The following CA5A variants were observed in gnomAD, a reference collection of about 807,000 sequenced individuals.
CA5A encodes carbonic anhydrase 5A, also known as carbonic anhydrase 5A, mitochondrial.
In CA5A, 28 loss-of-function variants were observed where a neutral mutation model predicts 37.1. That is an observed-to-expected ratio of 0.75 (90% CI 0.56 to 1.03). The LOEUF is 1.03. Ranked by LOEUF, CA5A falls within the 50% of genes least tolerant of loss-of-function variation. The pLI is 0.00. For missense variants in CA5A, 444 were observed against 399.9 expected (o/e 1.11, Z -0.94); for synonymous variants, 171 against 158.4 (o/e 1.08, Z -0.60).
At position 87,911,575 on chromosome 16, in the gene CA5A, G is replaced by A. The variant is rs900212219; in HGVS notation, c.341-6671C>T. ...ACCGGCCTGCTTCCGGTGCCACTCT[G>A]GGAGGTAGTGCACGTTCCCAAGCTG... On this transcript the variant is annotated intron_variant, in intron 2 of 6. Coordinates refer to ENST00000649794, the MANE Select transcript of CA5A (RefSeq NM_001739.2). This position sits in a 1 kb window ranked among gnomAD's most constrained non-coding sequence, Gnocchi z 4.6. Among the ~76,000 whole-genome samples the A allele has an allele frequency of 7.9e-5, 12 of 151,928 alleles. No homozygotes were observed. Among genetic ancestry groups the A allele is most frequent in the Admixed American group, 6.6e-4 (10 of 15,228 alleles).
chr16:87,926,457 G>T (rs1187485161), intron 2 of CA5A, among the ~76,000 whole-genome samples: 1 of 152,178 alleles, frequency 6.6e-6, no homozygotes, highest in African/African-American at 2.4e-5. Flanking sequence ...CCTCCCACCC[G>T]CTGCAAGGCG....
At chr16:87,921,878 A>T (rs5818652) in intron 2 of CA5A, among the ~76,000 whole-genome samples, 136,772 of 149,458 alleles carry the variant, frequency 0.92, 63,243 homozygotes, top group Non-Finnish European at 1. Flanking sequence ...TATTATTATT[A>T]TTTTTGAGAG....
chr16:87,914,617 G>T (rs2056104598), intron 2 of CA5A, among the ~76,000 whole-genome samples: 1 of 152,002 alleles, frequency 6.6e-6, no homozygotes, highest in South Asian at 2.1e-4. Flanking sequence ...AGCAGGGAGG[G>T]AAGGGGCAGT....
At chr16:87,895,614 G>T (rs2143920530) in intron 5 of CA5A, among the ~76,000 whole-genome samples, 1 of 152,290 alleles carries the variant, frequency 6.6e-6, no homozygotes, top group Admixed American at 6.5e-5. Context: ...CTATGGTTTT[G>T]GGTATATTCA....
chr16:87,924,888 G>A (rs891465511), intron 2 of CA5A, among the ~76,000 whole-genome samples: 2 of 152,186 alleles, frequency 1.3e-5, no homozygotes, highest in Admixed American at 6.5e-5. Context: ...GCTGAGTGCC[G>A]GCCTGGGGTG....
chr16:87,918,583 G>C (rs1156429609), intron 2 of CA5A, among the ~76,000 whole-genome samples: 2 of 152,218 alleles, frequency 1.3e-5, no homozygotes, highest in African/African-American at 4.8e-5. Flanking sequence ...CTGTCCGTTT[G>C]TTTCGCTTTG....
chr16:87,893,418 C>A, intron 5 of CA5A: 1 of 496,250 alleles, frequency 2.0e-6, no homozygotes, highest in South Asian at 1.5e-5. Flanking sequence ...TGAGCCACCA[C>A]GCCCGGCTTG....
rs565557401 is a variant in CA5A at position 87,899,919 on chromosome 16, C to CAAAAAAAAAAA, written c.618+1982_618+1992dup. On this transcript the variant is annotated intron_variant, in intron 5 of 6. Transcript: ENST00000649794. ...TGGGCAACAGAGCGAGATTTTATCT[C>CAAAAAAAAAAA]AAAAAAAAAAAAAAAAAAAAAAAAA... Among the ~76,000 whole-genome samples, 18 of 46,532 alleles carry CAAAAAAAAAAA rather than the reference C, an allele frequency of 3.9e-4. 1 individual carries two copies. The highest frequency in any genetic ancestry group is 1.4e-3 in the African/African-American group (17 of 12,274). The allele number at this position is 46,532 out of a possible 152,430, so 30.5% of individuals were successfully genotyped here. A position where few individuals can be genotyped will look rare whatever the true frequency, so the allele number is the denominator to read the frequency against.
At chr16:87,908,053 G>A (rs1379063187) in intron 2 of CA5A, among the ~76,000 whole-genome samples, 1 of 152,184 alleles carries the variant, frequency 6.6e-6, no homozygotes, top group African/African-American at 2.4e-5. Flanking sequence ...AATGAATACA[G>A]GAACGAATGG....
intron 5 of CA5A, among the ~76,000 whole-genome samples, chr16:87,898,200 T>A (rs141066011): frequency 6.6e-6 from 1 of 152,212 alleles, no homozygotes; most frequent in Non-Finnish European, 1.5e-5. Flanking sequence ...TACGTGACTC[T>A]GGTCTTTCCT....
intron 4 of CA5A, chr16:87,882,808 G>C (rs1004162145): frequency 6.6e-6 from 1 of 152,460 alleles, no homozygotes; most frequent in Non-Finnish European, 1.5e-5. Context: ...TCCCCGCTTG[G>C]TGCTTTCCCG....
At chr16:87,927,033 A>T (rs2056323401) in intron 1 of CA5A, 88 bp from the exon 2 acceptor site, 6 of 916,756 alleles carry the variant, frequency 6.5e-6, no homozygotes, top group Admixed American at 2.2e-5. Context: ...GCCGCACGAG[A>T]CCCCTCACGT....
intron 3 of CA5A, among the ~76,000 whole-genome samples, chr16:87,904,386 A>AACAG (rs1203084143): frequency 6.6e-6 from 1 of 152,096 alleles, no homozygotes; most frequent in Non-Finnish European, 1.5e-5. Context: ...CAAACAAACA[A>AACAG]AAGAAGATGA....
intron 1 of CA5A, among the ~76,000 whole-genome samples, chr16:87,934,982 C>T (rs2056452090): frequency 6.6e-6 from 1 of 152,190 alleles, no homozygotes; most frequent in African/African-American, 2.4e-5. Flanking sequence ...CACTCAGAGT[C>T]TGGGGTGGGC....
At chr16:87,894,316 A>G (rs1391269869) in intron 5 of CA5A, among the ~76,000 whole-genome samples, 3 of 151,942 alleles carry the variant, frequency 2.0e-5, no homozygotes, top group Admixed American at 1.3e-4. Context: ...GTCCAAAGTG[A>G]CAGAGTCCCT....
chr16:87,921,860 G>A (rs1243634973), intron 2 of CA5A, among the ~76,000 whole-genome samples: 3 of 109,592 alleles, frequency 2.7e-5, no homozygotes, highest in African/African-American at 4.2e-5. Context: ...GTGTGTTATT[G>A]TTATTATTAT....
intron 1 of CA5A, among the ~76,000 whole-genome samples, 158 bp downstream of exon 1, chr16:87,936,151 C>T (rs1433932505): frequency 6.8e-6 from 1 of 146,808 alleles, no homozygotes; most frequent in South Asian, 2.2e-4. Context: ...CAGCCTGGGC[C>T]ACAGAGCGAG....
Position 87,888,237 on chromosome 16 carries a change from A to G in CA5A, c.810T>C (p.Leu270=). The change falls in exon 7 of 7, where the codon CTT becomes CTC. Residue 270 remains leucine (L), a synonymous_variant. Transcript: ENST00000649794. The stretch of plus-strand genomic sequence containing the variant: ...TCACCATCATCTTCTCCTCTTCACC[A>G]AGTGCAGAAAACAGGAGAGTACGAA... ...SAFRTLLFSA[L]GEEEKMMVNN... The G allele has an allele frequency of 6.2e-7, 1 of 1,613,904 alleles. No individual in the cohort carries two copies.
Position 87,888,283 on chromosome 16 carries a change from G to T in CA5A, c.775-11C>A. The T allele has an allele frequency of 6.2e-7, 1 of 1,608,454 alleles. No homozygotes were observed. Among genetic ancestry groups the T allele is most frequent in the Non-Finnish European group, 8.5e-7 (1 of 1,176,022 alleles). On this transcript the variant is annotated splice_polypyrimidine_tract_variant and intron_variant, in intron 6 of 6. Coordinates refer to ENST00000649794, the MANE Select transcript of CA5A (RefSeq NM_001739.2). Reference sequence around the variant, plus strand: ...ACGAAATGCAGAGAGCTGGAATAGAGGGCAGCCAGGGTGAGCTTGGTATGA... The same window carrying T: ...ACGAAATGCAGAGAGCTGGAATAGATGGCAGCCAGGGTGAGCTTGGTATGA...
Sources: gnomAD v4.1 joint callset for allele counts (sites outside exome capture counted in the v4.1 genomes callset) on GRCh38, gnomAD v4.1.1 for gene constraint, Gnocchi (gnomAD v3.1) non-coding constraint, MANE v1.5 for transcripts, NCBI Gene and HGNC (gene_info 2026-07-23, HGNC 2026-07-21) for gene names.